The following HIPK1 variants were observed in gnomAD, a reference collection of about 807,000 sequenced individuals.
The protein encoded by HIPK1 is homeodomain interacting protein kinase 1.
Under a neutral mutation model 117.1 loss-of-function variants are expected in HIPK1, and 28 were observed. The observed-to-expected ratio is 0.24, with a 90% CI of 0.18 to 0.33. HIPK1 has a LOEUF of 0.33. Ranked by LOEUF, HIPK1 falls within the 10% of genes least tolerant of loss-of-function variation. The probability of loss-of-function intolerance (pLI) is 1.00; values close to 1 mark genes in which losing one functional copy is unlikely to be tolerated. For missense variants in HIPK1, 1,122 were observed against 1,475.1 expected (o/e 0.76, Z 3.92); for synonymous variants, 605 against 562.5 (o/e 1.08, Z -1.07).
At chr1:113,946,941 T>C (rs1671026369) in intron 2 of HIPK1, among the ~76,000 whole-genome samples, 1 of 152,252 alleles carries the variant, frequency 6.6e-6, no homozygotes, top group Non-Finnish European at 1.5e-5. Context: ...AGTGGTCCTC[T>C]TAAGCTTCTT....
Position 113,969,993 on chromosome 1 carries a change from G to A in HIPK1, c.2809G>A (p.Val937Ile), listed in dbSNP as rs771708280. The A allele has an allele frequency of 4.3e-6, 7 of 1,614,162 alleles. No homozygotes were observed. Among genetic ancestry groups the A allele is most frequent in the Non-Finnish European group, 4.2e-6 (5 of 1,179,994 alleles). Reference sequence around the variant, plus strand: ...GCCAAGGTCTAATGTCATCAGTTATGTCACTGTCAATGATTCTCCAGACTC... The same window carrying A: ...GCCAAGGTCTAATGTCATCAGTTATATCACTGTCAATGATTCTCCAGACTC... ...LKPRSNVISY[V>I]TVNDSPDSDS... Residue 937 changes from valine to isoleucine, a missense_variant, in exon 14 of 16, where the codon GTC (valine) becomes ATC (isoleucine). By Grantham distance (29) the Val-to-Ile change is conservative. This residue lies in a region of HIPK1 where 731 missense variants were observed against 860.4 expected (regional missense o/e 0.85). Coordinates refer to ENST00000426820, the MANE Select transcript of HIPK1 (RefSeq NM_198268.3).
rs1362728406 is a variant in HIPK1 at position 113,957,109 on chromosome 1, T to G, written c.1593-15T>G. On this transcript the variant is annotated splice_polypyrimidine_tract_variant and intron_variant, in intron 6 of 15. Coordinates refer to ENST00000426820, the MANE Select transcript of HIPK1 (RefSeq NM_198268.3). ...TCTCAGCATTCATTTAATGAATCTT[T>G]AATCTCCTTTTCAGTGTTAAGTCTT... is the stretch of plus-strand genomic sequence containing the variant. The G allele has an allele frequency of 4.4e-6, 7 of 1,601,306 alleles. No individual in the cohort carries two copies. The highest frequency in any genetic ancestry group is 6.0e-6 in the Non-Finnish European group (7 of 1,169,638).
intron 1 of HIPK1, chr1:113,930,466 G>C (rs755492121): frequency 2.6e-5 from 4 of 152,246 alleles, no homozygotes; most frequent in Non-Finnish European, 5.9e-5. Context: ...AATTCGTAAT[G>C]ACGGTGGAGA....
Position 113,970,194 on chromosome 1 carries a change from T to G in HIPK1, c.3010T>G (p.Ser1004Ala). 6.2e-7 allele frequency: 1 copy of G among 1,614,156 alleles called. No homozygotes were observed. Residue 1004 changes from serine to alanine, a missense_variant, in exon 14 of 16, where the codon TCA becomes GCA. This residue lies in a region of HIPK1 where 731 missense variants were observed against 860.4 expected (regional missense o/e 0.85). Coordinates refer to ENST00000426820, the MANE Select transcript of HIPK1 (RefSeq NM_198268.3). ...TGACTGCACTGTAGCAACCCAGGCC[T>G]CAGGTCAGTGTTATCTTCACAGCTT... is the stretch of plus-strand genomic sequence containing the variant. ...LGDCTVATQA[S>A]GLLSNKTKPV...
chr1:113,964,808 A>G (rs568672149), intron 10 of HIPK1, among the ~76,000 whole-genome samples: 1 of 152,172 alleles, frequency 6.6e-6, no homozygotes, highest in Non-Finnish European at 1.5e-5. Context: ...ATGTTAGTTG[A>G]CACTTCTCCT....
chr1:113,976,367 A>G lies in HIPK1; in HGVS notation c.*2855A>G, dbSNP rs1041398788. The G allele has an allele frequency of 7.9e-5, 12 of 152,314 alleles. No homozygotes were observed. Among genetic ancestry groups the G allele is most frequent in the African/African-American group, 2.7e-4 (11 of 41,450 alleles). The allele number at this position is 152,314 out of a possible 1,614,324, so 9.4% of individuals were successfully genotyped here. A position where few individuals can be genotyped will look rare whatever the true frequency, so the allele number is the denominator to read the frequency against. ...GATTTTCTTGTTGGAACACAGGTCT[A>G]GTTTCTAAAGGACAAATTTTTTGTT... is the stretch of plus-strand genomic sequence containing the variant. On this transcript the variant is annotated 3_prime_UTR_variant, in exon 16 of 16. Coordinates refer to ENST00000426820, the MANE Select transcript of HIPK1 (RefSeq NM_198268.3).
chr1:113,945,469 T>C (rs1670931133), intron 2 of HIPK1, among the ~76,000 whole-genome samples: 1 of 152,208 alleles, frequency 6.6e-6, no homozygotes, highest in Non-Finnish European at 1.5e-5. Context: ...TAGTTTTAGC[T>C]CTTATATTTT....
chr1:113,947,493 G>C (rs763183677), intron 2 of HIPK1, among the ~76,000 whole-genome samples: 1 of 152,184 alleles, frequency 6.6e-6, no homozygotes, highest in Non-Finnish European at 1.5e-5. Flanking sequence ...CAGGAAGTTA[G>C]GTTTTATGTA....
chr1:113,934,317 C>G (rs560779811), intron 1 of HIPK1, among the ~76,000 whole-genome samples: 1 of 152,260 alleles, frequency 6.6e-6, no homozygotes, highest in Admixed American at 6.5e-5. Context: ...CTGTTCCATT[C>G]AGGGTTATAA....
intron 15 of HIPK1, 142 bp downstream of exon 15, chr1:113,972,096 C>A (rs1022915377): frequency 1.3e-6 from 2 of 1,599,896 alleles, no homozygotes; most frequent in Admixed American, 1.7e-5. Context: ...TGGCTTACGT[C>A]GTACCGCATA....
At chr1:113,953,296 T>C (rs1646956562) in intron 3 of HIPK1, among the ~76,000 whole-genome samples, 1 of 152,150 alleles carries the variant, frequency 6.6e-6, no homozygotes, top group Admixed American at 6.6e-5. Flanking sequence ...AAGTACTTTC[T>C]TCAGACTGAA....
Position 113,963,405 on chromosome 1 carries a change from A to G in HIPK1, c.2122A>G (p.Met708Val), listed in dbSNP as rs745608488. ...GTTTCAGGGAAGCTGTACACCACTA[A>G]TGGTAGCAACTCTCCACCCTCAAGT... is the stretch of plus-strand genomic sequence containing the variant. ...VLTQGSCTPLMVATLHPQVAT... is the reference protein window; with the variant it reads ...VLTQGSCTPLVVATLHPQVAT... Residue 708 changes from methionine to valine, a missense_variant, in exon 10 of 16, where the codon ATG (methionine) becomes GTG (valine). Around this residue, in one of 6 missense-constraint regions of HIPK1, gnomAD observed 731 missense variants for 860.4 expected, o/e 0.85. Coordinates refer to ENST00000426820, the MANE Select transcript of HIPK1 (RefSeq NM_198268.3). 1 of 1,614,172 alleles carries G rather than the reference A, an allele frequency of 6.2e-7. No individual in the cohort carries two copies. Among genetic ancestry groups the G allele is most frequent in the Non-Finnish European group, 8.5e-7 (1 of 1,180,012 alleles).
At chr1:113,932,911 CCTTA>C (rs1323621687) in intron 1 of HIPK1, among the ~76,000 whole-genome samples, 4 of 152,280 alleles carry the variant, frequency 2.6e-5, no homozygotes, top group African/African-American at 7.2e-5. Flanking sequence ...ACTGCTGTTG[CCTTA>C]CTTAAGTCCC....
At chr1:113,948,294 C>T (rs79324115) in intron 2 of HIPK1, among the ~76,000 whole-genome samples, 2 of 152,146 alleles carry the variant, frequency 1.3e-5, no homozygotes, top group Admixed American at 6.6e-5. Context: ...GACAGGGTCT[C>T]AGGCTGGAGT....
chr1:113,971,817 T>C lies in HIPK1; in HGVS notation c.3014-7T>C. 2 of 1,588,390 alleles carry C rather than the reference T, an allele frequency of 1.3e-6. No homozygotes were observed. The highest frequency in any genetic ancestry group is 1.7e-6 in the Non-Finnish European group (2 of 1,172,352). ...ACTCATAACTATTAAGCCTGGTGCT[T>C]TTTTAGGTCTCCTGAGCAATAAGAC... On this transcript the variant is annotated splice_region_variant and splice_polypyrimidine_tract_variant and intron_variant, in intron 14 of 15. Transcript: ENST00000426820.
In HIPK1 at chr1:113,935,239, C is replaced by G. The variant is rs1202696594; in HGVS notation, c.-2-5143C>G. Among the ~76,000 whole-genome samples, 3 of 152,050 alleles carry G rather than the reference C, an allele frequency of 2.0e-5. No homozygotes were observed. In the East Asian group the frequency reaches 5.8e-4, roughly 29 times the overall value. On this transcript the variant is annotated intron_variant, in intron 1 of 15. Transcript: ENST00000426820. Reference sequence around the variant, plus strand: ...GTTGGCCTCTTTGTGTCCATGTGTTCTCGTTCTTTAGCTCCCACTTTTAAG... The same window carrying G: ...GTTGGCCTCTTTGTGTCCATGTGTTGTCGTTCTTTAGCTCCCACTTTTAAG...
intron 2 of HIPK1, among the ~76,000 whole-genome samples, chr1:113,942,496 T>G (rs1670717197): frequency 6.6e-6 from 1 of 152,248 alleles, no homozygotes; most frequent in Admixed American, 6.5e-5. Context: ...TTAACTCTAG[T>G]AACATTTTAT....
intron 2 of HIPK1, 85 bp from the exon 3 acceptor site, chr1:113,952,681 A>C (rs1671444559): frequency 9.8e-7 from 1 of 1,019,004 alleles, no homozygotes; most frequent in Non-Finnish European, 1.3e-6. Context: ...CCTTTAGCTA[A>C]TACTAAAACA....
At position 113,962,328 on chromosome 1, in the gene HIPK1, G is replaced by A. The variant is rs1672178177; in HGVS notation, c.1993G>A (p.Ala665Thr). 1 of 1,613,636 alleles carries A rather than the reference G, an allele frequency of 6.2e-7. No individual in the cohort carries two copies. The highest frequency in any genetic ancestry group is 1.3e-5 in the African/African-American group (1 of 75,000). Residue 665 changes from alanine to threonine, a missense_variant, in exon 9 of 16, where the codon GCA (alanine) becomes ACA (threonine). Physicochemically the swap from Ala to Thr is moderately conservative, Grantham distance 58. Around this residue, in one of 6 missense-constraint regions of HIPK1, gnomAD observed 731 missense variants for 860.4 expected, o/e 0.85. Transcript: ENST00000426820. Reference sequence around the variant, plus strand: ...GCTGTTTTCAATAGCTGGACTACAAGCAACAACAAAGCATTCTGGATTCCC... The same window carrying A: ...GCTGTTTTCAATAGCTGGACTACAAACAACAACAAAGCATTCTGGATTCCC... ...CPPAFQTGLQ[A>T]TTKHSGFPVR...
Sources: allele counts gnomAD v4.1 joint callset (sites outside exome capture counted in the v4.1 genomes callset), GRCh38; gene constraint gnomAD v4.1.1; regional missense constraint gnomAD v4.1.1; transcripts MANE v1.5; gene names NCBI Gene and HGNC (gene_info 2026-07-23, HGNC 2026-07-21).